The following MEGF10 variants were observed in gnomAD, a reference collection of about 807,000 sequenced individuals.
MEGF10 encodes multiple EGF like domains 10.
A neutral mutation model predicts 147.5 loss-of-function variants in MEGF10; 86 were observed. The ratio of observed to expected loss-of-function variants is 0.58; its 90% CI spans 0.49 to 0.70. The LOEUF (loss-of-function observed/expected upper bound fraction) is 0.70, where lower values mean the gene tolerates loss of function less well. MEGF10 is among the 30% of genes least tolerant of loss of function. The pLI is 0.00. For missense variants in MEGF10, 1,329 were observed against 1,487.3 expected (o/e 0.89, Z 1.75); for synonymous variants, 478 against 525.5 (o/e 0.91, Z 1.24).
In MEGF10 at chr5:127,459,616, T is replaced by C. The variant is rs561290143; in HGVS notation, c.*2298T>C. 1.3e-5 allele frequency: 2 copies of C among 152,212 alleles called. No individual in the cohort carries two copies. The highest frequency in any genetic ancestry group is 2.9e-5 in the Non-Finnish European group (2 of 68,032). The allele number at this position is 152,212 out of a possible 1,614,324, so 9.4% of individuals were successfully genotyped here. On this transcript the variant is annotated 3_prime_UTR_variant, in exon 25 of 25. Coordinates refer to ENST00000503335, the MANE Select transcript of MEGF10 (RefSeq NM_001256545.2). ...CTATTAATAAATTGAAAGCTTGCTG[T>C]ACAAAGGCAACAGCAACTTAAAAAA... is the stretch of plus-strand genomic sequence containing the variant.
chr5:127,376,261 T>G (rs1254217824), intron 5 of MEGF10, among the ~76,000 whole-genome samples: 2 of 152,202 alleles, frequency 1.3e-5, no homozygotes, highest in Non-Finnish European at 2.9e-5. Context: ...GTTTTTTGTT[T>G]TCATGCCTTT....
At chr5:127,391,806 T>C (rs1763708039) in intron 5 of MEGF10, among the ~76,000 whole-genome samples, 1 of 151,994 alleles carries the variant, frequency 6.6e-6, no homozygotes, top group Non-Finnish European at 1.5e-5. Context: ...TGTCATTGCA[T>C]CCTAACATCT....
intron 5 of MEGF10, among the ~76,000 whole-genome samples, chr5:127,385,032 T>A (rs1763379980): frequency 6.6e-6 from 1 of 152,174 alleles, no homozygotes; most frequent in African/African-American, 2.4e-5. Flanking sequence ...AAGAACCATG[T>A]TTTTCTATCC....
chr5:127,362,574 C>T (rs1327032236), intron 4 of MEGF10, among the ~76,000 whole-genome samples: 4 of 151,986 alleles, frequency 2.6e-5, no homozygotes, highest in Non-Finnish European at 4.4e-5. Flanking sequence ...CCGTGTTTGC[C>T]AGGATGGTCT....
intron 18 of MEGF10, 58 bp from the exon 19 acceptor site, chr5:127,442,940 G>A (rs1469576629): frequency 7.7e-6 from 12 of 1,566,560 alleles, no homozygotes; most frequent in Non-Finnish European, 1.0e-5. Context: ...TGCAGTCAGA[G>A]ACAGCCTTGC....
chr5:127,428,141 A>ATTTTTTTTTTTTTTT (rs66935934), intron 13 of MEGF10, among the ~76,000 whole-genome samples: 14 of 103,572 alleles, frequency 1.4e-4, no homozygotes, highest in Non-Finnish European at 1.5e-4. Flanking sequence ...GGTGTCTGGT[A>ATTTTTTTTTTTTTTT]TTTTTTTTTT....
chr5:127,437,378 T>C (rs1188707983), intron 16 of MEGF10, among the ~76,000 whole-genome samples: 2 of 152,170 alleles, frequency 1.3e-5, no homozygotes, highest in Non-Finnish European at 2.9e-5. Context: ...ACTCGAGACC[T>C]CAAGTGTCAG....
chr5:127,366,370 T>C (rs373786734), intron 4 of MEGF10, among the ~76,000 whole-genome samples: 2 of 152,212 alleles, frequency 1.3e-5, no homozygotes, highest in South Asian at 4.1e-4. Flanking sequence ...ATGGCACTTG[T>C]ATAAGCGAGT....
In MEGF10 at chr5:127,422,720, A is replaced by G. The variant is rs750182323; in HGVS notation, c.1641A>G (p.Ala547=). 1 of 1,614,120 alleles carries G rather than the reference A, an allele frequency of 6.2e-7. No individual in the cohort carries two copies. Among genetic ancestry groups the G allele is most frequent in the Non-Finnish European group, 8.5e-7 (1 of 1,179,968 alleles). ...NCAERCDCSH[A]DGCHPTTGHC... Reference sequence around the variant, plus strand: ...CTGAGCGCTGCGACTGCAGCCACGCAGATGGCTGCCACCCTACCACGGGCC... The same window carrying G: ...CTGAGCGCTGCGACTGCAGCCACGCGGATGGCTGCCACCCTACCACGGGCC... Residue 547 remains alanine, a synonymous_variant, in exon 13 of 25, where the codon GCA becomes GCG. Transcript: ENST00000503335.
At chr5:127,414,655 T>G (rs1764688457) in intron 9 of MEGF10, among the ~76,000 whole-genome samples, 1 of 152,140 alleles carries the variant, frequency 6.6e-6, no homozygotes, top group Non-Finnish European at 1.5e-5. Flanking sequence ...AGAAGCAGAT[T>G]AATGTGGGAA....
chr5:127,295,277 AGT>A (rs1759444418), intron 1 of MEGF10, among the ~76,000 whole-genome samples: 1 of 152,242 alleles, frequency 6.6e-6, no homozygotes, highest in Admixed American at 6.5e-5. Flanking sequence ...CACAGCATTC[AGT>A]GTATACTCCA....
intron 18 of MEGF10, 121 bp downstream of exon 18, chr5:127,440,988 G>T (rs1013713882): frequency 3.9e-5 from 51 of 1,306,008 alleles, no homozygotes; most frequent in Admixed American, 1.7e-4. Context: ...CTGATGGCTG[G>T]TTACTTCTCA....
At chr5:127,383,697 A>C (rs751815104) in intron 5 of MEGF10, among the ~76,000 whole-genome samples, 1 of 152,154 alleles carries the variant, frequency 6.6e-6, no homozygotes, top group South Asian at 2.1e-4. Flanking sequence ...AACCAGGCAC[A>C]AAGGAGTCAG....
At chr5:127,356,266 C>T (rs1762278933) in intron 4 of MEGF10, among the ~76,000 whole-genome samples, 1 of 152,214 alleles carries the variant, frequency 6.6e-6, no homozygotes, top group Non-Finnish European at 1.5e-5. Context: ...CCATCTGGGC[C>T]ACACACAAGA....
At chr5:127,265,198 G>C in the MEGF10 span, among the ~76,000 whole-genome samples, 1 of 152,132 alleles carries the variant, frequency 6.6e-6, no homozygotes. Context: ...ATAGTTTGCT[G>C]AGAATGATGG....
At chr5:127,427,099 C>T (rs1239267400) in intron 13 of MEGF10, among the ~76,000 whole-genome samples, 1 of 152,228 alleles carries the variant, frequency 6.6e-6, no homozygotes, top group East Asian at 1.9e-4. Context: ...AGCCGGATTT[C>T]TGCCCCAACT....
chr5:127,381,278 G>A (rs72788581), intron 5 of MEGF10, among the ~76,000 whole-genome samples: 3 of 152,204 alleles, frequency 2.0e-5, no homozygotes, highest in African/African-American at 4.8e-5. Flanking sequence ...GTGATGAGTC[G>A]AATTTCATTA....
At chr5:127,444,298 T>G (rs894288718) in intron 19 of MEGF10, 1 of 152,258 alleles carries the variant, frequency 6.6e-6, no homozygotes, top group African/African-American at 2.4e-5. Flanking sequence ...TTAATTTCTT[T>G]GGTAAAATGA....
chr5:127,456,658 A>T (rs1305786344), intron 24 of MEGF10, among the ~76,000 whole-genome samples: 1 of 152,340 alleles, frequency 6.6e-6, no homozygotes, highest in East Asian at 1.9e-4. Flanking sequence ...GTCAGTAACA[A>T]TTCTCCTTTA....
Sources: gnomAD v4.1 joint callset for allele counts (sites outside exome capture counted in the v4.1 genomes callset) on GRCh38, gnomAD v4.1.1 for gene constraint, MANE v1.5 for transcripts, NCBI Gene and HGNC (gene_info 2026-07-23, HGNC 2026-07-21) for gene names.